Variants in PCDH7 observed in about 807,000 individuals in gnomAD.
PCDH7 encodes the protein protocadherin 7, also known as protocadherin-7.
Under a neutral mutation model 58.9 loss-of-function variants are expected in PCDH7, and 17 were observed. The ratio of observed to expected loss-of-function variants is 0.29; its 90% CI spans 0.20 to 0.43. PCDH7 has a LOEUF of 0.43. Ranked by LOEUF, PCDH7 falls within the 20% of genes least tolerant of loss-of-function variation. The pLI is 1.00. For missense variants in PCDH7, 1,274 were observed against 1,441.0 expected, an observed-to-expected ratio of 0.88 and a Z score of 1.88; for synonymous variants, 664 against 616.4, an observed-to-expected ratio of 1.08 and a Z score of -1.14.
At chr4:31,035,967 A>AT (rs557905235) in intron 3 of PCDH7, among the ~76,000 whole-genome samples, 62 of 152,176 alleles carry the variant, frequency 4.1e-4, no homozygotes, top group African/African-American at 1.3e-3. Context: ...TTCACCTTTG[A>AT]TTTTTTCCCT....
intron 1 of PCDH7, among the ~76,000 whole-genome samples, chr4:30,895,543 A>G (rs988412919): frequency 4.6e-5 from 7 of 152,106 alleles, no homozygotes; most frequent in Non-Finnish European, 1.0e-4. Context: ...ATTTTCCCCT[A>G]TTCATTTCTT....
chr4:30,721,306 C>A lies in PCDH7; in HGVS notation c.-117C>A. 1 of 1,076,518 alleles carries A rather than the reference C, an allele frequency of 9.3e-7. No individual in the cohort carries two copies. The highest frequency in any genetic ancestry group is 1.7e-5 in the South Asian group (1 of 57,842). 66.7% of individuals were successfully genotyped at this position (1,076,518 alleles called of 1,614,324 possible). A position where few individuals can be genotyped will look rare whatever the true frequency, so the allele number is the denominator to read the frequency against. ...CCCCCTCCCTCCCCTCCCTCTCGCT[C>A]CTTCCTTTCCGGGAGAGGGGAGAGG... On this transcript the variant is annotated 5_prime_UTR_variant, in exon 1 of 2. Transcript: ENST00000361762. The surrounding 1 kb of genome is among the most constrained non-coding windows in gnomAD (Gnocchi z 6.7).
chr4:31,095,723 T>A (rs1713881362), intron 3 of PCDH7, among the ~76,000 whole-genome samples: 1 of 152,092 alleles, frequency 6.6e-6, no homozygotes, highest in South Asian at 2.1e-4. Flanking sequence ...GGAAATAACA[T>A]CCCTTTAAAA....
At chr4:31,019,290 A>T (rs1753842036) in intron 3 of PCDH7, among the ~76,000 whole-genome samples, 1 of 152,186 alleles carries the variant, frequency 6.6e-6, no homozygotes, top group Non-Finnish European at 1.5e-5. Flanking sequence ...TTAACATAAG[A>T]GCTTTTCAAA....
At chr4:30,854,368 T>C (rs1432696120) in intron 1 of PCDH7, among the ~76,000 whole-genome samples, 1 of 150,502 alleles carries the variant, frequency 6.6e-6, no homozygotes, top group East Asian at 2.0e-4. Flanking sequence ...CTCCATATAA[T>C]ACTGATTGAA....
chr4:30,967,784 T>A (rs985521116), intron 3 of PCDH7, among the ~76,000 whole-genome samples: 7 of 152,284 alleles, frequency 4.6e-5, no homozygotes, highest in African/African-American at 1.7e-4. Flanking sequence ...ATAGTCTCTG[T>A]GTCTGAACAT....
At position 30,721,497 on chromosome 4, in the gene PCDH7, C is replaced by G. The variant is rs1318417433; in HGVS notation, c.75C>G (p.Leu25=). 7 of 1,597,334 alleles carry G rather than the reference C, an allele frequency of 4.4e-6. No homozygotes were observed. The highest frequency in any genetic ancestry group is 5.9e-6 in the Non-Finnish European group (7 of 1,177,406). The change falls in exon 1 of 2, where the codon CTC becomes CTG. Residue 25 remains leucine, a synonymous_variant. Coordinates refer to ENST00000361762, the Ensembl canonical transcript of PCDH7. This position sits in a 1 kb window ranked among gnomAD's most constrained non-coding sequence, Gnocchi z 6.7. ...GCTGCCTCCTCCTGCCGCTCTCGCT[C>G]AGCCTGGCGGCCGCCAAGCAGCTCC... is the stretch of plus-strand genomic sequence containing the variant.
rs1159034223 is a variant in PCDH7 at position 31,077,217 on chromosome 4, C to A, written c.*8-65256C>A. 3.3e-5 allele frequency among the ~76,000 whole-genome samples: 5 copies of A among 151,812 alleles called. No individual in the cohort carries two copies. In the South Asian group the frequency reaches 1.0e-3, roughly 32 times the overall value. Reference sequence around the variant, plus strand: ...CCTGAGGTCAGGAGTTTGAGACCAGCCTGACCAACATGGAGAAACCCCATT... The same window carrying A: ...CCTGAGGTCAGGAGTTTGAGACCAGACTGACCAACATGGAGAAACCCCATT... On this transcript the variant is annotated intron_variant, in intron 3 of 3. Transcript: ENST00000509759.
chr4:31,042,011 C>T (rs140303464), intron 3 of PCDH7, among the ~76,000 whole-genome samples: 2 of 152,106 alleles, frequency 1.3e-5, no homozygotes, highest in Admixed American at 6.6e-5. Context: ...TCATGTGAAT[C>T]CAGGCAGCAT....
chr4:31,037,968 C>T (rs1755552870), intron 3 of PCDH7, among the ~76,000 whole-genome samples: 1 of 152,216 alleles, frequency 6.6e-6, no homozygotes, highest in African/African-American at 2.4e-5. Flanking sequence ...AAGACAGCAA[C>T]AAGCAATACT....
At chr4:30,798,480 GACTT>G (rs1204056623) in intron 1 of PCDH7, among the ~76,000 whole-genome samples, 4 of 152,140 alleles carry the variant, frequency 2.6e-5, no homozygotes, top group African/African-American at 7.2e-5. Flanking sequence ...TGGTACATGA[GACTT>G]ACTTCTTTAA....
chr4:31,098,574 C>A (rs1483144412), intron 3 of PCDH7, among the ~76,000 whole-genome samples: 1 of 152,134 alleles, frequency 6.6e-6, no homozygotes, highest in Non-Finnish European at 1.5e-5. Flanking sequence ...ACTACTTGGG[C>A]TCACATCCGT....
At chr4:30,837,519 A>G (rs1730636476) in intron 1 of PCDH7, among the ~76,000 whole-genome samples, 1 of 152,058 alleles carries the variant, frequency 6.6e-6, no homozygotes, top group Admixed American at 6.6e-5. Flanking sequence ...TATGTTACAA[A>G]TAAGGAAGGA....
chr4:30,902,546 C>A (rs752974932), intron 1 of PCDH7, among the ~76,000 whole-genome samples: 1 of 152,022 alleles, frequency 6.6e-6, no homozygotes, highest in Non-Finnish European at 1.5e-5. Flanking sequence ...ACTGGTGAAT[C>A]AAACATTTTA....
At chr4:30,981,058 G>T (rs1469886685) in intron 3 of PCDH7, among the ~76,000 whole-genome samples, 2 of 152,140 alleles carry the variant, frequency 1.3e-5, no homozygotes, top group African/African-American at 4.8e-5. Context: ...TGGCCAGGCT[G>T]GTCTTGAACT....
intron 3 of PCDH7, among the ~76,000 whole-genome samples, chr4:30,993,510 C>T (rs996759680): frequency 3.3e-5 from 5 of 152,050 alleles, no homozygotes; most frequent in African/African-American, 9.7e-5. Flanking sequence ...TGTGATACTT[C>T]GTTAATTGTA....
At chr4:30,833,171 T>C (rs1363271346) in intron 1 of PCDH7, among the ~76,000 whole-genome samples, 1 of 152,196 alleles carries the variant, frequency 6.6e-6, no homozygotes, top group Non-Finnish European at 1.5e-5. Flanking sequence ...AGTAGCATCC[T>C]ATTGCTGTTC....
chr4:30,939,408 A>T (rs1745756201), intron 2 of PCDH7, among the ~76,000 whole-genome samples: 1 of 152,164 alleles, frequency 6.6e-6, no homozygotes, highest in Non-Finnish European at 1.5e-5. Context: ...ACTTTCATGG[A>T]TGCAATCCAA....
chr4:31,091,836 A>T (rs1169180422), intron 3 of PCDH7, among the ~76,000 whole-genome samples: 1 of 152,004 alleles, frequency 6.6e-6, no homozygotes, highest in African/African-American at 2.4e-5. Flanking sequence ...ATAGGGAGTG[A>T]GATTGTGGAT....
Sources: gnomAD v4.1 joint callset for allele counts (sites outside exome capture counted in the v4.1 genomes callset) on GRCh38, gnomAD v4.1.1 for gene constraint, Gnocchi (gnomAD v3.1) non-coding constraint, MANE v1.5 for transcripts, NCBI Gene and HGNC (gene_info 2026-07-23, HGNC 2026-07-21) for gene names.